Variants in ATP2C2 observed in about 807,000 individuals in gnomAD.
The protein encoded by ATP2C2 is ATPase secretory pathway Ca2+ transporting 2.
Under a neutral mutation model 110.8 loss-of-function variants are expected in ATP2C2, and 171 were observed. That is an observed-to-expected ratio of 1.54 (90% CI 1.36 to 1.75). ATP2C2 has a LOEUF of 1.75. Among genes scored for constraint, ATP2C2 ranks in the 40% most tolerant of loss-of-function variants. The pLI, the probability that ATP2C2 is intolerant of heterozygous loss-of-function variation, is 0.00. For missense variants in ATP2C2, 1,963 were observed against 1,235.0 expected (o/e 1.59, Z -8.84); for synonymous variants, 804 against 508.4 (o/e 1.58, Z -7.82).
At chr16:84,448,479 G>T (rs1909961553) in intron 16 of ATP2C2, 54 bp from the exon 17 acceptor site, 2 of 1,563,912 alleles carry the variant, frequency 1.3e-6, no homozygotes, top group Non-Finnish European at 1.7e-6. Flanking sequence ...GTGATGGTCA[G>T]TATGAACCAA....
intron 1 of ATP2C2, among the ~76,000 whole-genome samples, chr16:84,375,079 A>G (rs1910173001): frequency 6.6e-6 from 1 of 152,232 alleles, no homozygotes; most frequent in South Asian, 2.1e-4. Flanking sequence ...ACTTTAAAAC[A>G]TGAAATGAGA....
At chr16:84,413,119 T>C (rs1219541645) in intron 6 of ATP2C2, among the ~76,000 whole-genome samples, 1 of 150,106 alleles carries the variant, frequency 6.7e-6, no homozygotes, top group African/African-American at 2.5e-5. Flanking sequence ...AAAAAAAGTA[T>C]CTCATGGTCT....
At chr16:84,462,379 CACCGGCAT>C in intron 26 of ATP2C2, 1 of 436,056 alleles carries the variant, frequency 2.3e-6, no homozygotes, top group Non-Finnish European at 4.1e-6. Flanking sequence ...GCCCAAGGGG[CACCGGCAT>C]CCCAGGCGTC....
chr16:84,449,180 G>A (rs1282839546), intron 17 of ATP2C2, among the ~76,000 whole-genome samples: 1 of 152,240 alleles, frequency 6.6e-6, no homozygotes, highest in Non-Finnish European at 1.5e-5. Flanking sequence ...GCGTTTAGAA[G>A]TGCTCCTGAG....
chr16:84,416,303 C>G (rs976058299), intron 7 of ATP2C2, among the ~76,000 whole-genome samples: 2 of 152,190 alleles, frequency 1.3e-5, no homozygotes, highest in African/African-American at 4.8e-5. Context: ...GAGGTTACAT[C>G]AAGTTCACCA....
At chr16:84,411,954 T>C (rs1262093414) in intron 6 of ATP2C2, among the ~76,000 whole-genome samples, 1 of 151,920 alleles carries the variant, frequency 6.6e-6, no homozygotes, top group African/African-American at 2.4e-5. Context: ...TTTTCTTTCT[T>C]TTCTTTCTTT....
chr16:84,463,190 AATTCATCCCAGGGAACATGTCGC>A (rs1911564484), intron 26 of ATP2C2, among the ~76,000 whole-genome samples: 2 of 16,460 alleles, frequency 1.2e-4, no homozygotes, highest in East Asian at 0.026. Flanking sequence ...AGACGCTGGG[AATTCATCCCAGGGAACATGTCGC>A]TGGGAATTCA....
At chr16:84,460,978 C>A in intron 24 of ATP2C2, 177 bp downstream of exon 24, 2 of 952,360 alleles carry the variant, frequency 2.1e-6, no homozygotes, top group Non-Finnish European at 1.5e-6. Flanking sequence ...ACTGGGTGAC[C>A]CTTGAAAGAA....
chr16:84,392,359 T>C (rs1445604264), intron 1 of ATP2C2, among the ~76,000 whole-genome samples: 1 of 152,238 alleles, frequency 6.6e-6, no homozygotes, highest in African/African-American at 2.4e-5. Context: ...CTTGGGCTCC[T>C]AAACACTGCT....
chr16:84,447,425 C>T (rs1909851394), intron 16 of ATP2C2, among the ~76,000 whole-genome samples: 1 of 151,940 alleles, frequency 6.6e-6, no homozygotes, highest in South Asian at 2.1e-4. Context: ...CCCTTCTTCC[C>T]TCCCTCCCCA....
chr16:84,369,845 C>G (rs751857033), intron 1 of ATP2C2, among the ~76,000 whole-genome samples: 1 of 152,084 alleles, frequency 6.6e-6, no homozygotes, highest in Non-Finnish European at 1.5e-5. Context: ...GGTGGTAGGC[C>G]ACAGGACCAC....
At chr16:84,460,061 AC>A in intron 23 of ATP2C2, 1 of 202,378 alleles carries the variant, frequency 4.9e-6, no homozygotes, top group East Asian at 1.2e-4. Context: ...TGCTGTTATC[AC>A]CAGTGATAGC....
At chr16:84,436,674 C>T (rs1342870549) in intron 11 of ATP2C2, among the ~76,000 whole-genome samples, 1 of 151,952 alleles carries the variant, frequency 6.6e-6, no homozygotes, top group Non-Finnish European at 1.5e-5. Flanking sequence ...TCAGCCTGGC[C>T]TCGGGTGGAG....
At chr16:84,439,653 C>G in intron 13 of ATP2C2, 129 bp downstream of exon 13, 1 of 871,724 alleles carries the variant, frequency 1.1e-6, no homozygotes, top group Non-Finnish European at 1.8e-6. Flanking sequence ...TTATAATCTC[C>G]TTGCTAACAT....
rs146501988 is a variant in ATP2C2 at position 84,418,455 on chromosome 16, C to T, written c.624+2864C>T. 2.6e-4 allele frequency among the ~76,000 whole-genome samples: 39 copies of T among 152,320 alleles called. No homozygotes were observed. In the East Asian group the frequency reaches 7.5e-3, roughly 29 times the overall value. ...CCGGAGGTGCCACCTGATCTTCTAC[C>T]TGCCTTTATTTTTGTCATATGAAGA... On this transcript the variant is annotated intron_variant, in intron 7 of 26. Transcript: ENST00000262429.
intron 17 of ATP2C2, 75 bp from the exon 18 acceptor site, chr16:84,451,846 C>A (rs932686140): frequency 7.1e-7 from 1 of 1,416,894 alleles, no homozygotes; most frequent in Non-Finnish European, 9.6e-7. Context: ...TAAAAAACAA[C>A]AACAACAACC....
chr16:84,455,818 T>G (rs553677120), intron 21 of ATP2C2, among the ~76,000 whole-genome samples: 1 of 149,616 alleles, frequency 6.7e-6, no homozygotes, highest in African/African-American at 2.5e-5. Context: ...ACCTAATTTA[T>G]TGAGAGTTTT....
chr16:84,383,635 A>G (rs1174277979), intron 1 of ATP2C2, among the ~76,000 whole-genome samples: 3 of 152,130 alleles, frequency 2.0e-5, no homozygotes, highest in African/African-American at 7.2e-5. Context: ...GTCTCTCAGC[A>G]TCGTCAGTAC....
chr16:84,461,755 G>T lies in ATP2C2; in HGVS notation c.2523G>T (p.Met841Ile). The change falls in exon 25 of 27, where the codon ATG becomes ATT. Residue 841 changes from methionine (M) to isoleucine (I), a missense_variant. Coordinates refer to ENST00000262429, the MANE Select transcript of ATP2C2 (RefSeq NM_014861.4). ...DRASTPRTTTMTFTCFVFFDL... is the reference protein window; with the variant it reads ...DRASTPRTTTITFTCFVFFDL... The stretch of plus-strand genomic sequence containing the variant: ...CAAGCACTCCCCGCACCACGACGAT[G>T]ACGTTCACTTGTTTTGTGTTTTTCG... 6.2e-7 allele frequency: 1 copy of T among 1,614,208 alleles called. No individual in the cohort carries two copies.
Sources: allele counts gnomAD v4.1 joint callset (sites outside exome capture counted in the v4.1 genomes callset), GRCh38; gene constraint gnomAD v4.1.1; transcripts MANE v1.5; gene names NCBI Gene and HGNC (gene_info 2026-07-23, HGNC 2026-07-21).